The following AOPEP variants were observed in gnomAD, a reference collection of about 807,000 sequenced individuals.
AOPEP encodes the protein aminopeptidase O (putative), also known as aminopeptidase O.
In AOPEP, 77 loss-of-function variants were observed where a neutral mutation model predicts 98.1. That is an observed-to-expected ratio of 0.78 (90% CI 0.65 to 0.95). The LOEUF is 0.95. AOPEP is among the 40% of genes least tolerant of loss of function. The pLI, the probability that AOPEP is intolerant of heterozygous loss-of-function variation, is 0.00. For missense variants in AOPEP, 1,024 were observed against 1,024.7 expected (o/e 1.00, Z 0.01); for synonymous variants, 346 against 365.3 (o/e 0.95, Z 0.60).
chr9:95,080,759 G>C lies in AOPEP; in HGVS notation c.2298G>C (p.Glu766Asp), dbSNP rs767297758. 112 of 1,613,962 alleles carry C rather than the reference G, an allele frequency of 6.9e-5. No individual in the cohort carries two copies. Among genetic ancestry groups the C allele is most frequent in the Non-Finnish European group, 9.1e-5 (107 of 1,179,954 alleles). The change falls in exon 15 of 17, where the codon GAG (glutamate) becomes GAC (aspartate). Residue 766 changes from glutamate to aspartate, a missense_variant. This residue lies in a region of AOPEP where 566 missense variants were observed against 551.7 expected (regional missense o/e 1.03). Coordinates refer to ENST00000375315, the MANE Select transcript of AOPEP (RefSeq NM_001193329.3). ...HKFTKAYKSV[E>D]RFLQEDQAMG... ...TCACGAAAGCCTACAAAAGTGTGGA[G>C]AGGTTCCTTCAGGAGGATCAGGTAG...
chr9:95,134,397 G>C, the AOPEP span, among the ~76,000 whole-genome samples: 1 of 152,140 alleles, frequency 6.6e-6, no homozygotes, highest in Non-Finnish European at 1.5e-5. Context: ...AAGGGCGAGG[G>C]TGAACACTCC....
intron 13 of AOPEP, among the ~76,000 whole-genome samples, chr9:95,044,391 G>A (rs2065642824): frequency 6.6e-6 from 1 of 151,628 alleles, no homozygotes; most frequent in Admixed American, 6.6e-5. Context: ...GTGGGGGTGG[G>A]AGTGAGGGGG....
intron 1 of AOPEP, among the ~76,000 whole-genome samples, chr9:94,750,940 G>A (rs560466273): frequency 3.9e-4 from 59 of 151,904 alleles, no homozygotes; most frequent in African/African-American, 1.4e-3. Context: ...GTAGAGATGA[G>A]GTTTCACCGT....
chr9:94,910,143 G>GC (rs1227907519), intron 5 of AOPEP, among the ~76,000 whole-genome samples: 2 of 152,178 alleles, frequency 1.3e-5, no homozygotes, highest in African/African-American at 4.8e-5. Context: ...CTCCCTGGCA[G>GC]CCCTCCGTCC....
chr9:95,039,536 G>A (rs1808806116), intron 13 of AOPEP, among the ~76,000 whole-genome samples: 1 of 152,172 alleles, frequency 6.6e-6, no homozygotes, highest in Non-Finnish European at 1.5e-5. Flanking sequence ...TCACACCACT[G>A]CACTCCAACC....
chr9:94,820,453 A>T (rs545587527), intron 5 of AOPEP, among the ~76,000 whole-genome samples: 1 of 152,354 alleles, frequency 6.6e-6, no homozygotes, highest in African/African-American at 2.4e-5. Context: ...TTTGTCAATT[A>T]TCATTATCCC....
intron 11 of AOPEP, among the ~76,000 whole-genome samples, chr9:94,997,373 TG>T (rs1025014194): frequency 1.3e-5 from 2 of 152,194 alleles, no homozygotes; most frequent in African/African-American, 4.8e-5. Flanking sequence ...GCATAGTGAG[TG>T]GCTATCATCT....
At chr9:94,889,443 G>C (rs897925837) in intron 5 of AOPEP, among the ~76,000 whole-genome samples, 1 of 152,150 alleles carries the variant, frequency 6.6e-6, no homozygotes, top group African/African-American at 2.4e-5. Context: ...CTATTTGGAT[G>C]TTACAAATAA....
At chr9:94,777,976 A>G (rs1486121995) in intron 3 of AOPEP, among the ~76,000 whole-genome samples, 1 of 152,196 alleles carries the variant, frequency 6.6e-6, no homozygotes, top group African/African-American at 2.4e-5. Flanking sequence ...CCCACATGAA[A>G]GAAAATGAGC....
chr9:94,815,473 A>G (rs1450785110), intron 5 of AOPEP, among the ~76,000 whole-genome samples: 3 of 152,150 alleles, frequency 2.0e-5, no homozygotes, highest in African/African-American at 7.2e-5. Context: ...GAGGCTCCTC[A>G]GTTATGATGA....
chr9:94,790,481 A>T (rs1196095691), intron 3 of AOPEP, among the ~76,000 whole-genome samples: 1 of 152,062 alleles, frequency 6.6e-6, no homozygotes, highest in East Asian at 1.9e-4. Flanking sequence ...TCTTAGCTAC[A>T]AAGAGAGGGA....
intron 5 of AOPEP, among the ~76,000 whole-genome samples, chr9:94,878,585 C>T (rs1489298499): frequency 6.6e-6 from 1 of 152,094 alleles, no homozygotes; most frequent in East Asian, 1.9e-4. Context: ...TTAGTCATAT[C>T]AGAGTTTAGG....
chr9:95,116,554 C>T, the AOPEP span, among the ~76,000 whole-genome samples: 7 of 152,230 alleles, frequency 4.6e-5, no homozygotes, highest in African/African-American at 1.7e-4. Context: ...CTGGCTCGTT[C>T]CCTTCTGTCT....
Position 94,863,590 on chromosome 9 carries a change from A to G in AOPEP, c.1365-60396A>G, listed in dbSNP as rs182110668. Among the ~76,000 whole-genome samples the G allele has an allele frequency of 1.8e-4, 27 of 151,934 alleles. No individual in the cohort carries two copies. In the East Asian group the frequency reaches 5.1e-3, roughly 28 times the overall value. ...GCCACAACGCCCAGCTAATTTTTGAATTTTTAGTAGAGACAGGGTTTTGCC... is the reference window on the plus strand; with the variant it reads ...GCCACAACGCCCAGCTAATTTTTGAGTTTTTAGTAGAGACAGGGTTTTGCC... On this transcript the variant is annotated intron_variant, in intron 5 of 16. Coordinates refer to ENST00000375315, the MANE Select transcript of AOPEP (RefSeq NM_001193329.3).
intron 1 of AOPEP, among the ~76,000 whole-genome samples, chr9:94,743,232 G>A (rs7866737): frequency 3.3e-4 from 42 of 128,248 alleles, no homozygotes; most frequent in Non-Finnish European, 5.1e-4. Context: ...AAGAAGAAGA[G>A]GAAGAAGAAG....
At chr9:94,844,124 C>T (rs983442165) in intron 5 of AOPEP, among the ~76,000 whole-genome samples, 2 of 152,046 alleles carry the variant, frequency 1.3e-5, no homozygotes, top group Non-Finnish European at 2.9e-5. Context: ...GATGCGATCT[C>T]GGCTCACTGC....
At chr9:95,060,277 G>C (rs1888946) in intron 13 of AOPEP, among the ~76,000 whole-genome samples, 16,744 of 152,096 alleles carry the variant, frequency 0.11, 1,039 homozygotes, top group East Asian at 0.18. Flanking sequence ...ACTGAATGCC[G>C]CATCTTAGTT....
chr9:95,080,104 C>T (rs1022435973), intron 14 of AOPEP, among the ~76,000 whole-genome samples: 4 of 152,184 alleles, frequency 2.6e-5, no homozygotes, highest in East Asian at 1.9e-4. Context: ...TTGAATTTCC[C>T]GTTATGCTTT....
intron 5 of AOPEP, among the ~76,000 whole-genome samples, chr9:94,880,238 G>T (rs1052939241): frequency 3.3e-5 from 5 of 152,176 alleles, no homozygotes; most frequent in Non-Finnish European, 7.4e-5. Context: ...AGTGTTAACA[G>T]GATAGCTGAA....
Sources: gnomAD v4.1 joint callset for allele counts (sites outside exome capture counted in the v4.1 genomes callset) on GRCh38, gnomAD v4.1.1 for gene constraint, gnomAD v4.1.1 regional missense constraint, MANE v1.5 for transcripts, NCBI Gene and HGNC (gene_info 2026-07-23, HGNC 2026-07-21) for gene names.